RPS6KA1: variants seen among roughly 807,000 people sequenced by gnomAD.
RPS6KA1 encodes ribosomal protein S6 kinase alpha-1.
A neutral mutation model predicts 91.3 loss-of-function variants in RPS6KA1; 48 were observed. That is an observed-to-expected ratio of 0.53 (90% CI 0.42 to 0.67). The LOEUF (loss-of-function observed/expected upper bound fraction) is 0.67. Among genes scored for constraint, RPS6KA1 ranks in the 30% least tolerant of loss-of-function variants. The pLI is 0.00. For synonymous variants in RPS6KA1, 359 were observed against 384.7 expected, an observed-to-expected ratio of 0.93 and a Z score of 0.78; for missense variants, 719 against 960.5, an observed-to-expected ratio of 0.75 and a Z score of 3.32.
At chr1:26,533,866 G>A (rs2075886899) in intron 1 of RPS6KA1, among the ~76,000 whole-genome samples, 1 of 152,116 alleles carries the variant, frequency 6.6e-6, no homozygotes, top group South Asian at 2.1e-4. Flanking sequence ...GATGACCCCG[G>A]ACCCAGGACC....
chr1:26,544,368 T>C (rs568604721), intron 2 of RPS6KA1, among the ~76,000 whole-genome samples: 1 of 151,842 alleles, frequency 6.6e-6, no homozygotes, highest in Non-Finnish European at 1.5e-5. Flanking sequence ...GGTTTATGTC[T>C]TCATCTGTCT....
At chr1:26,545,823 C>T (rs1368516024) in intron 2 of RPS6KA1, 40 of 1,442,582 alleles carry the variant, frequency 2.8e-5, no homozygotes, top group African/African-American at 4.3e-5. Context: ...CCTGCACATC[C>T]GCCTTGGTCC....
intron 4 of RPS6KA1, among the ~76,000 whole-genome samples, chr1:26,548,960 C>G (rs1307993650): frequency 6.6e-6 from 1 of 151,716 alleles, no homozygotes; most frequent in African/African-American, 2.4e-5. Context: ...TGTTGGAAGG[C>G]AGCTGCAGCT....
chr1:26,535,646 A>G (rs546896136), intron 1 of RPS6KA1, among the ~76,000 whole-genome samples: 25 of 152,192 alleles, frequency 1.6e-4, no homozygotes, highest in African/African-American at 5.8e-4. Flanking sequence ...GGGCTGGAAA[A>G]GGCAAGACTG....
chr1:26,565,930 T>C (rs557631526), intron 17 of RPS6KA1, among the ~76,000 whole-genome samples: 35 of 152,318 alleles, frequency 2.3e-4, no homozygotes, highest in African/African-American at 8.4e-4. Flanking sequence ...ATCCACATTG[T>C]TTTGTGGCTG....
In RPS6KA1 at chr1:26,571,604, G is replaced by T. The variant is rs377161355; in HGVS notation, c.1746G>T (p.Ala582=). ...CTTGCTACACAGCCAACTTTGTGGC[G>T]CCTGAGGTGAGTGGCCCAGCCTCCT... ...MTPCYTANFV[A]PEVLKRQGYD... Residue 582 remains alanine, a synonymous_variant, in exon 18 of 22, where the codon GCG becomes GCT. Transcript: ENST00000374168. This position sits in a 1 kb window ranked among gnomAD's most constrained non-coding sequence, Gnocchi z 5.1. 16 of 1,613,938 alleles carry T rather than the reference G, an allele frequency of 9.9e-6. 1 individual carries two copies. Among genetic ancestry groups the T allele is most frequent in the South Asian group, 8.8e-5 (8 of 91,040 alleles).
At position 26,562,825 on chromosome 1, in the gene RPS6KA1, C is replaced by CTTTTTTTTTTTTTTTTT. The variant is rs748764001; in HGVS notation, c.1590+1173_1590+1189dup. Among the ~76,000 whole-genome samples, 3 of 81,432 alleles carry CTTTTTTTTTTTTTTTTT rather than the reference C, an allele frequency of 3.7e-5. 1 individual carries two copies. Among genetic ancestry groups the CTTTTTTTTTTTTTTTTT allele is most frequent in the African/African-American group, 1.5e-4 (3 of 19,714 alleles). 53.4% of individuals were successfully genotyped at this position (81,432 alleles called of 152,430 possible). A position where few individuals can be genotyped will look rare whatever the true frequency, so the allele number is the denominator to read the frequency against. ...ATAGACACATTTTTCTCCTATTGTC[C>CTTTTTTTTTTTTTTTTT]TTTTTTTTTTTTTTTTTTTTTTTTT... is the stretch of plus-strand genomic sequence containing the variant. On this transcript the variant is annotated intron_variant, in intron 17 of 21. Transcript: ENST00000374168.
In RPS6KA1 at chr1:26,573,303, C is replaced by A; in HGVS notation, c.2027C>A (p.Thr676Asn). ...AKQVLQHPWV[T>N]QKDKLPQSQL... ...CAGGTTCTGCAGCATCCATGGGTCA[C>A]CCAGAAAGACAAGCTTCCCCAAAGC... is the stretch of plus-strand genomic sequence containing the variant. Residue 676 changes from threonine (T) to asparagine (N), a missense_variant, in exon 21 of 22, where the codon ACC becomes AAC. Thr to Asn is a moderately conservative substitution (Grantham distance 65). Coordinates refer to ENST00000374168, the MANE Select transcript of RPS6KA1 (RefSeq NM_002953.4). 1 of 1,614,206 alleles carries A rather than the reference C, an allele frequency of 6.2e-7. No individual in the cohort carries two copies. The highest frequency in any genetic ancestry group is 8.5e-7 in the Non-Finnish European group (1 of 1,180,032).
In RPS6KA1 at chr1:26,556,703, C is replaced by T. The variant is rs777668374; in HGVS notation, c.966C>T (p.Ser322=). ...AEEIKRHVFY[S]TIDWNKLYRR... ...AAATCAAGCGGCATGTCTTCTACTC[C>T]ACCATTGACTGGAATGTGAGTGTGT... The change falls in exon 12 of 22, where the codon TCC becomes TCT. Residue 322 remains serine (S), a synonymous_variant. Transcript: ENST00000374168. 6.2e-7 allele frequency: 1 copy of T among 1,614,210 alleles called. No individual in the cohort carries two copies. Among genetic ancestry groups the T allele is most frequent in the Non-Finnish European group, 8.5e-7 (1 of 1,180,020 alleles).
At chr1:26,553,819 A>G (rs1311549055) in intron 7 of RPS6KA1, 8 of 251,746 alleles carry the variant, frequency 3.2e-5, no homozygotes, top group Non-Finnish European at 4.6e-5. Flanking sequence ...CTACCCTCAA[A>G]TGATAACTAA....
intron 7 of RPS6KA1, chr1:26,553,874 T>C (rs1278012505): frequency 3.4e-6 from 1 of 291,590 alleles, no homozygotes; most frequent in African/African-American, 2.2e-5. Context: ...CTGGCTTTAG[T>C]GTTAGGCAGC....
At chr1:26,536,377 C>G (rs993150858) in intron 1 of RPS6KA1, among the ~76,000 whole-genome samples, 1 of 152,174 alleles carries the variant, frequency 6.6e-6, no homozygotes, top group Admixed American at 6.5e-5. Flanking sequence ...AGCAGTCATT[C>G]TGCCTGGCAA....
rs1442777808 is a variant in RPS6KA1, at chr1:26,557,100, G to T, written c.1084G>T (p.Asp362Tyr). Reference protein sequence around the residue: ...DTEFTSRTPKDSPGIPPSAGA... With the variant: ...DTEFTSRTPKYSPGIPPSAGA... ...CGAGTTCACGTCCCGCACACCCAAG[G>T]GTGCGTCCCTTATCTGTTTTGTCTG... is the stretch of plus-strand genomic sequence containing the variant. Residue 362 changes from aspartate to tyrosine, a missense_variant and splice_region_variant, in exon 13 of 22, where the codon GAT (aspartate) becomes TAT (tyrosine). This residue lies in a region of RPS6KA1 where 228 missense variants were observed against 247.6 expected (regional missense o/e 0.92). Coordinates refer to ENST00000374168, the MANE Select transcript of RPS6KA1 (RefSeq NM_002953.4). 1 of 1,609,026 alleles carries T rather than the reference G, an allele frequency of 6.2e-7. No homozygotes were observed. Among genetic ancestry groups the T allele is most frequent in the South Asian group, 1.1e-5 (1 of 91,006 alleles).
rs1239442805 is a variant in RPS6KA1, at chr1:26,561,420, A to G, written c.1432-85A>G. ...AGAACACCTGCCCAAGGCTCATGTC[A>G]TTCTTCCCTGCTCTGGGGCGCTGCT... is the stretch of plus-strand genomic sequence containing the variant. On this transcript the variant is annotated intron_variant, in intron 16 of 21. Coordinates refer to ENST00000374168, the MANE Select transcript of RPS6KA1 (RefSeq NM_002953.4). This position sits in a 1 kb window ranked among gnomAD's most constrained non-coding sequence, Gnocchi z 5.7. 6.4e-7 allele frequency: 1 copy of G among 1,561,866 alleles called. No homozygotes were observed.
chr1:26,557,954 G>A (rs903026788), intron 13 of RPS6KA1, among the ~76,000 whole-genome samples: 4 of 151,638 alleles, frequency 2.6e-5, no homozygotes, highest in Admixed American at 1.3e-4. Flanking sequence ...TCAGCCTCCC[G>A]AGTAGCTGGG....
Position 26,561,481 on chromosome 1 carries a change from GC to G in RPS6KA1, c.1432-22del, listed in dbSNP as rs780058007. ...CTCAGGCCTGACACTGGGGAGAAGA[GC>G]CTGATGGTGAGGTCTTCGGCAGGTG... On this transcript the variant is annotated intron_variant, in intron 16 of 21. Coordinates refer to ENST00000374168, the MANE Select transcript of RPS6KA1 (RefSeq NM_002953.4). The surrounding 1 kb of genome is among the most constrained non-coding windows in gnomAD (Gnocchi z 5.7). The G allele has an allele frequency of 2.8e-5, 45 of 1,614,128 alleles. 1 individual carries two copies. In the East Asian group the frequency reaches 1.0e-3, roughly 36 times the overall value.
At chr1:26,566,539 A>G (rs1256417974) in intron 17 of RPS6KA1, among the ~76,000 whole-genome samples, 1 of 152,066 alleles carries the variant, frequency 6.6e-6, no homozygotes, top group East Asian at 1.9e-4. Flanking sequence ...CGCCCACCTC[A>G]GCCTTCCAAA....
intron 2 of RPS6KA1, among the ~76,000 whole-genome samples, chr1:26,541,889 T>G (rs1348863405): frequency 6.6e-6 from 1 of 152,170 alleles, no homozygotes; most frequent in Non-Finnish European, 1.5e-5. Context: ...GGATCAGGCC[T>G]GGGGGCTCTG....
In RPS6KA1 at chr1:26,561,229, T is replaced by C. The variant is rs2124653685; in HGVS notation, c.1431+95T>C. 2.4e-6 allele frequency: 3 copies of C among 1,232,048 alleles called. No homozygotes were observed. The highest frequency in any genetic ancestry group is 3.5e-6 in the Non-Finnish European group (3 of 852,832). 76.3% of individuals were successfully genotyped at this position (1,232,048 alleles called of 1,614,324 possible). ...CATTCCTTTGACTTCTCATCCTCTT[T>C]CCAGTGGTCATGTGGAGGGGAAGGA... On this transcript the variant is annotated intron_variant, in intron 16 of 21. Transcript: ENST00000374168. This position sits in a 1 kb window ranked among gnomAD's most constrained non-coding sequence, Gnocchi z 5.7.
Sources: gnomAD v4.1 joint callset for allele counts (sites outside exome capture counted in the v4.1 genomes callset) on GRCh38, gnomAD v4.1.1 for gene constraint, gnomAD v4.1.1 regional missense constraint, Gnocchi (gnomAD v3.1) non-coding constraint, MANE v1.5 for transcripts, NCBI Gene and HGNC (gene_info 2026-07-23, HGNC 2026-07-21) for gene names.